The following THEM4 variants were observed in gnomAD, a reference collection of about 807,000 sequenced individuals.
THEM4 encodes thioesterase superfamily member 4.
Under a neutral mutation model 25.0 loss-of-function variants are expected in THEM4, and 22 were observed. The ratio of observed to expected loss-of-function variants is 0.88; its 90% confidence interval spans 0.63 to 1.26. THEM4 has a LOEUF of 1.26. Among genes scored for constraint, THEM4 ranks in the 50% most tolerant of loss-of-function variants. The probability of loss-of-function intolerance (pLI) is 0.00; values close to 1 mark genes in which losing one functional copy is unlikely to be tolerated. For synonymous variants in THEM4, 113 were observed against 105.6 expected (o/e 1.07, Z -0.43); for missense variants, 286 against 300.3 (o/e 0.95, Z 0.35).
chr1:151,907,622 C>A (rs75645053), intron 1 of THEM4, among the ~76,000 whole-genome samples: 2,994 of 152,288 alleles, frequency 0.02, 40 homozygotes, highest in Non-Finnish European at 0.029. Context: ...TGTCTCACCC[C>A]ATGGCCTCTC....
At chr1:151,905,315 A>G (rs1654433638) in intron 1 of THEM4, among the ~76,000 whole-genome samples, 2 of 152,130 alleles carry the variant, frequency 1.3e-5, no homozygotes, top group Admixed American at 6.5e-5. Flanking sequence ...TTTTTTGCCC[A>G]ATAAATTCCA....
intron 4 of THEM4, among the ~76,000 whole-genome samples, chr1:151,884,960 T>C (rs2101720452): frequency 6.6e-6 from 1 of 152,268 alleles, no homozygotes; most frequent in African/African-American, 2.4e-5. Context: ...ATGTTGGGAT[T>C]ACAGGCGTGA....
At position 151,871,848 on chromosome 1, in the gene THEM4, C is replaced by T. The variant is rs529981296; in HGVS notation, c.*3040G>A. On this transcript the variant is annotated 3_prime_UTR_variant, in exon 6 of 6. Coordinates refer to ENST00000368814, the MANE Select transcript of THEM4 (RefSeq NM_053055.5). The stretch of plus-strand genomic sequence containing the variant: ...CTGCAAGCCTGCCAGAGAAATCTAA[C>T]GATGAGAGTACAGTACCTTCATTGT... 3.3e-5 allele frequency among the ~76,000 whole-genome samples: 5 copies of T among 152,332 alleles called. No homozygotes were observed. Among genetic ancestry groups the T allele is most frequent in the South Asian group, 4.1e-4 (2 of 4,832 alleles).
intron 3 of THEM4, among the ~76,000 whole-genome samples, chr1:151,888,928 A>C (rs576435521): frequency 1.6e-4 from 25 of 152,142 alleles, no homozygotes; most frequent in Non-Finnish European, 3.4e-4. Flanking sequence ...CTACCCACCT[A>C]GTCAGTGACA....
chr1:151,881,269 G>A (rs1653806581), intron 4 of THEM4, among the ~76,000 whole-genome samples: 1 of 152,134 alleles, frequency 6.6e-6, no homozygotes, highest in Admixed American at 6.5e-5. Flanking sequence ...TTGGGCTCTA[G>A]CGATCTTCTT....
rs11304399 is a variant in THEM4, at chr1:151,871,325, GAAA to G, written c.*3560_*3562del. On this transcript the variant is annotated 3_prime_UTR_variant, in exon 6 of 6. Coordinates refer to ENST00000368814, the MANE Select transcript of THEM4 (RefSeq NM_053055.5). ...AGGCGACAGAGCCAGACCCTGTCTT[GAAA>G]AAAAAAAAAAAAAAAGAAAAAGAAA... Among the ~76,000 whole-genome samples, 16,251 of 123,690 alleles carry G rather than the reference GAAA, an allele frequency of 0.13. 1,011 individuals are homozygous for G. Among genetic ancestry groups the G allele is most frequent in the Middle Eastern group, 0.17 (44 of 262 alleles). 81.1% of individuals were successfully genotyped at this position (123,690 alleles called of 152,430 possible).
chr1:151,901,244 C>T (rs990754210), intron 1 of THEM4, among the ~76,000 whole-genome samples: 16 of 152,172 alleles, frequency 1.1e-4, no homozygotes, highest in African/African-American at 3.9e-4. Flanking sequence ...GTTAGGGTCT[C>T]CATAACTGAG....
chr1:151,888,200 G>T, intron 4 of THEM4, 73 bp downstream of exon 4: 1 of 1,143,586 alleles, frequency 8.7e-7, no homozygotes, highest in East Asian at 2.5e-5. Context: ...CACAAATTAT[G>T]GTGTCAAGAT....
At chr1:151,876,855 G>A in intron 5 of THEM4, 146 bp downstream of exon 5, 2 of 901,886 alleles carry the variant, frequency 2.2e-6, no homozygotes, top group Non-Finnish European at 3.3e-6. Context: ...GGCATGTATG[G>A]GTTATAATAC....
Position 151,880,115 on chromosome 1 carries a change from T to C in THEM4, c.558-2990A>G, listed in dbSNP as rs192501402. ...AATCCTCCTGCCTCAGCCTCCCAAA[T>C]AGCTGGGACTATAGATGTGCACCAC... On this transcript the variant is annotated intron_variant, in intron 4 of 5. Coordinates refer to ENST00000368814, the MANE Select transcript of THEM4 (RefSeq NM_053055.5). Among the ~76,000 whole-genome samples, 376 of 152,104 alleles carry C rather than the reference T, an allele frequency of 2.5e-3. 3 individuals carry two copies. Among genetic ancestry groups the C allele is most frequent in the African/African-American group, 8.7e-3 (361 of 41,494 alleles).
intron 4 of THEM4, among the ~76,000 whole-genome samples, chr1:151,883,972 G>A (rs1653902685): frequency 6.6e-6 from 1 of 151,946 alleles, no homozygotes; most frequent in African/African-American, 2.4e-5. Flanking sequence ...CTACTTGGGA[G>A]GCTAAAGCAG....
At chr1:151,907,072 A>G (rs962247543) in intron 1 of THEM4, among the ~76,000 whole-genome samples, 1 of 152,102 alleles carries the variant, frequency 6.6e-6, no homozygotes, top group Middle Eastern at 3.2e-3. Context: ...TGCCTTTATG[A>G]GCTGTAACAC....
At chr1:151,878,784 G>C (rs1182593493) in intron 4 of THEM4, among the ~76,000 whole-genome samples, 1 of 152,056 alleles carries the variant, frequency 6.6e-6, no homozygotes, top group Middle Eastern at 3.2e-3. Flanking sequence ...CCTTCGTTTA[G>C]CTAGAACACT....
chr1:151,904,810 C>G lies in THEM4; in HGVS notation c.99+4550G>C, dbSNP rs770481277. Among the ~76,000 whole-genome samples, 7 of 152,014 alleles carry G rather than the reference C, an allele frequency of 4.6e-5. 1 individual carries two copies. The highest frequency in any genetic ancestry group is 4.1e-4 in the South Asian group (2 of 4,822). ...TTATCTAGAGCTGTGGCTTTGAAAA[C>G]TAGGGTGAATAGAATGAAAAGAAAG... On this transcript the variant is annotated intron_variant, in intron 1 of 5. Coordinates refer to ENST00000368814, the MANE Select transcript of THEM4 (RefSeq NM_053055.5).
chr1:151,878,745 G>A (rs944171505), intron 4 of THEM4, among the ~76,000 whole-genome samples: 23 of 152,152 alleles, frequency 1.5e-4, no homozygotes, highest in African/African-American at 5.6e-4. Flanking sequence ...CAGTTTGGTT[G>A]GCACAGGAAA....
At chr1:151,887,628 G>C (rs138309682) in intron 4 of THEM4, among the ~76,000 whole-genome samples, 2 of 152,010 alleles carry the variant, frequency 1.3e-5, no homozygotes, top group Non-Finnish European at 2.9e-5. Context: ...TTGTGTGTGT[G>C]TGTGTGTTTT....
intron 1 of THEM4, among the ~76,000 whole-genome samples, chr1:151,905,895 A>G (rs1654450003): frequency 6.6e-6 from 1 of 152,240 alleles, no homozygotes; most frequent in Non-Finnish European, 1.5e-5. Flanking sequence ...AGCACTTGCA[A>G]GGCTCTTTTG....
In THEM4 at chr1:151,901,188, T is replaced by C. The variant is rs114860342; in HGVS notation, c.100-5994A>G. Among the ~76,000 whole-genome samples, 723 of 152,368 alleles carry C rather than the reference T, an allele frequency of 4.7e-3. 4 individuals carry two copies. The highest frequency in any genetic ancestry group is 6.8e-3 in the South Asian group (33 of 4,834). The stretch of plus-strand genomic sequence containing the variant: ...CTGTGAGACCCCTGATTTCCCACTC[T>C]ACACCCTATATTTCTGTGTGTCTTT... On this transcript the variant is annotated intron_variant, in intron 1 of 5. Transcript: ENST00000368814.
intron 1 of THEM4, among the ~76,000 whole-genome samples, chr1:151,903,999 C>T (rs1654406299): frequency 6.6e-6 from 1 of 152,132 alleles, no homozygotes; most frequent in African/African-American, 2.4e-5. Flanking sequence ...TGTTAGCAGC[C>T]TTGGATGTGA....
Sources: allele counts gnomAD v4.1 joint callset (sites outside exome capture counted in the v4.1 genomes callset), GRCh38; gene constraint gnomAD v4.1.1; transcripts MANE v1.5; gene names NCBI Gene and HGNC (gene_info 2026-07-23, HGNC 2026-07-21).